Variants in SARNP observed in about 807,000 individuals in gnomAD.
SARNP encodes the protein SAP domain containing ribonucleoprotein.
SARNP carries 5 observed loss-of-function variants against 38.1 expected under a neutral mutation model. The ratio of observed to expected loss-of-function variants is 0.13; its 90% CI spans 0.07 to 0.28. SARNP has a LOEUF of 0.28. Ranked by LOEUF, SARNP falls within the 10% of genes least tolerant of loss-of-function variation. The probability of loss-of-function intolerance (pLI) is 1.00; values close to 1 mark genes in which losing one functional copy is unlikely to be tolerated. For missense variants in SARNP, 180 were observed against 243.9 expected (o/e 0.74, Z 1.75); for synonymous variants, 84 against 80.6 (o/e 1.04, Z -0.23).
At chr12:55,807,341 T>A (rs1434666424) in intron 1 of SARNP, among the ~76,000 whole-genome samples, 2 of 152,144 alleles carry the variant, frequency 1.3e-5, no homozygotes, top group Non-Finnish European at 2.9e-5. Context: ...AACCACGCCT[T>A]AAGTAACATT....
downstream of SARNP, chr12:55,755,113 G>C (rs1261065808): frequency 6.6e-6 from 1 of 152,186 alleles, no homozygotes; most frequent in Non-Finnish European, 1.5e-5. Flanking sequence ...CCAATAATCA[G>C]AAATAAGTGG....
chr12:55,777,870 T>C (rs1879228381), intron 9 of SARNP, among the ~76,000 whole-genome samples: 1 of 152,192 alleles, frequency 6.6e-6, no homozygotes. Context: ...GCGCCCTAGT[T>C]AGGAGAGAGA....
rs1341301638 is a variant in SARNP, at chr12:55,757,402, A to G, written c.*110T>C. Reference sequence around the variant, plus strand: ...ATGTACCTGGGGTACATGCTCCCTCATTGCGAGGCAGGACGTAGGCACATG... The same window carrying G: ...ATGTACCTGGGGTACATGCTCCCTCGTTGCGAGGCAGGACGTAGGCACATG... On this transcript the variant is annotated 3_prime_UTR_variant, in exon 11 of 11. Coordinates refer to ENST00000336133, the MANE Select transcript of SARNP (RefSeq NM_033082.4). 1 of 811,236 alleles carries G rather than the reference A, an allele frequency of 1.2e-6. No homozygotes were observed. Among genetic ancestry groups the G allele is most frequent in the Admixed American group, 3.1e-5 (1 of 32,554 alleles). 50.3% of individuals were successfully genotyped at this position (811,236 alleles called of 1,614,324 possible).
At chr12:55,767,122 C>T (rs1377826824) in intron 9 of SARNP, among the ~76,000 whole-genome samples, 1 of 152,172 alleles carries the variant, frequency 6.6e-6, no homozygotes, top group Non-Finnish European at 1.5e-5. Flanking sequence ...CACACAGGAA[C>T]TATAAAAGGT....
chr12:55,776,445 A>T (rs1310909734), intron 9 of SARNP, among the ~76,000 whole-genome samples: 5 of 152,224 alleles, frequency 3.3e-5, no homozygotes, highest in Non-Finnish European at 7.3e-5. Context: ...AAACAAAAAA[A>T]TAGCATAGTA....
chr12:55,787,137 T>G (rs909390221), intron 9 of SARNP, among the ~76,000 whole-genome samples: 48 of 150,084 alleles, frequency 3.2e-4, no homozygotes, highest in Non-Finnish European at 5.8e-4. Context: ...GAGGCTGAGG[T>G]GGGAGGCTTG....
chr12:55,768,241 C>A (rs1190225885), intron 9 of SARNP, among the ~76,000 whole-genome samples: 2 of 146,992 alleles, frequency 1.4e-5, no homozygotes, highest in Non-Finnish European at 3.0e-5. Context: ...TTCTCCTGCC[C>A]CAGCCTCCCA....
intron 2 of SARNP, among the ~76,000 whole-genome samples, chr12:55,801,658 G>A (rs569642165): frequency 6.6e-6 from 1 of 151,994 alleles, no homozygotes; most frequent in Non-Finnish European, 1.5e-5. Flanking sequence ...TTACTCTGTC[G>A]CCCAGATAAA....
At chr12:55,786,205 C>T (rs1009126808) in intron 9 of SARNP, among the ~76,000 whole-genome samples, 4 of 152,154 alleles carry the variant, frequency 2.6e-5, no homozygotes, top group Non-Finnish European at 5.9e-5. Flanking sequence ...TGGACAAATT[C>T]TTTTCAGCAA....
At chr12:55,771,159 T>C (rs890720409) in intron 9 of SARNP, among the ~76,000 whole-genome samples, 11 of 152,114 alleles carry the variant, frequency 7.2e-5, no homozygotes, top group African/African-American at 2.7e-4. Flanking sequence ...GGTTTCACCA[T>C]GTTAGCCAGG....
intron 9 of SARNP, among the ~76,000 whole-genome samples, chr12:55,763,032 A>G (rs1425726876): frequency 6.6e-6 from 1 of 152,196 alleles, no homozygotes; most frequent in Admixed American, 6.5e-5. Context: ...TATACAAGTT[A>G]TCATTTAATC....
At chr12:55,817,322 G>A (rs1335566569) in intron 1 of SARNP, among the ~76,000 whole-genome samples, 4 of 152,142 alleles carry the variant, frequency 2.6e-5, no homozygotes, top group African/African-American at 7.2e-5. Flanking sequence ...TCCTGGCTCC[G>A]ACATGGGGCA....
At chr12:55,779,791 C>T (rs1879287620) in intron 9 of SARNP, among the ~76,000 whole-genome samples, 1 of 152,072 alleles carries the variant, frequency 6.6e-6, no homozygotes. Context: ...CCTATATATA[C>T]TATGATTTTA....
At chr12:55,789,205 A>G (rs921440232) in intron 8 of SARNP, 62 bp from the exon 9 acceptor site, 25 of 1,138,966 alleles carry the variant, frequency 2.2e-5, no homozygotes, top group Non-Finnish European at 3.1e-5. Flanking sequence ...CAAAAAATGC[A>G]GAAACTATAG....
At chr12:55,808,201 G>C (rs892968222) in intron 1 of SARNP, among the ~76,000 whole-genome samples, 3 of 152,120 alleles carry the variant, frequency 2.0e-5, no homozygotes, top group African/African-American at 7.2e-5. Context: ...GGAAAATAGA[G>C]GCTGGGCATG....
Position 55,800,878 on chromosome 12 carries a change from T to A in SARNP, c.159A>T (p.Glu53Asp), listed in dbSNP as rs1031957995. The A allele has an allele frequency of 5.6e-6, 9 of 1,613,362 alleles. No individual in the cohort carries two copies. The highest frequency in any genetic ancestry group is 1.1e-5 in the South Asian group (1 of 91,064). ...EEHAEEEANEEDVLGDETEEE... is the reference protein window; with the variant it reads ...EEHAEEEANEDDVLGDETEEE... ...CCTCTGTTTCATCTCCCAGTACATC[T>A]TCTTCATTTGCCTCCTCTTCAGCTA... Residue 53 changes from glutamate (E) to aspartate (D), a missense_variant, in exon 3 of 11, where the codon GAA becomes GAT. Glu to Asp is a conservative substitution (Grantham distance 45). Around this residue, in one of 2 missense-constraint regions of SARNP, gnomAD observed 161 missense variants for 194.1 expected, o/e 0.83. Coordinates refer to ENST00000336133, the MANE Select transcript of SARNP (RefSeq NM_033082.4).
intron 1 of SARNP, among the ~76,000 whole-genome samples, chr12:55,814,272 G>A (rs1435760727): frequency 6.6e-6 from 1 of 152,088 alleles, no homozygotes; most frequent in Non-Finnish European, 1.5e-5. Flanking sequence ...ACTTCCAAAG[G>A]CTCCCAGCCC....
intron 7 of SARNP, among the ~76,000 whole-genome samples, chr12:55,791,391 A>G (rs1294532771): frequency 6.6e-6 from 1 of 152,252 alleles, no homozygotes; most frequent in East Asian, 1.9e-4. Flanking sequence ...AACTACTATC[A>G]TGAGTTGAAA....
chr12:55,774,697 G>A (rs948533648), intron 9 of SARNP, among the ~76,000 whole-genome samples: 1 of 151,668 alleles, frequency 6.6e-6, no homozygotes, highest in Non-Finnish European at 1.5e-5. Flanking sequence ...GCAGTGGGAG[G>A]TTCCAGCTTG....
Sources: gnomAD v4.1 joint callset for allele counts (sites outside exome capture counted in the v4.1 genomes callset) on GRCh38, gnomAD v4.1.1 for gene constraint, gnomAD v4.1.1 regional missense constraint, MANE v1.5 for transcripts, NCBI Gene and HGNC (gene_info 2026-07-23, HGNC 2026-07-21) for gene names.